The following MRNIP variants were observed in gnomAD, a reference collection of about 807,000 sequenced individuals.
MRNIP encodes MRN complex-interacting protein.
A neutral mutation model predicts 29.8 loss-of-function variants in MRNIP; 30 were observed. The ratio of observed to expected loss-of-function variants is 1.01; its 90% CI spans 0.75 to 1.36. The LOEUF is 1.36. Ranked by LOEUF, MRNIP falls within the 40% of genes most tolerant of loss-of-function variation. The pLI is 0.00. For missense variants in MRNIP, 459 were observed against 423.5 expected (o/e 1.08, Z -0.74); for synonymous variants, 201 against 164.1 (o/e 1.23, Z -1.72).
rs1758903196 is a variant in MRNIP, at chr5:179,842,033, A to G, written c.323T>C (p.Leu108Pro). The change falls in exon 5 of 7, where the codon CTG becomes CCG. Residue 108 changes from leucine to proline, a missense_variant. Leu to Pro is a moderately conservative substitution (Grantham distance 98). Transcript: ENST00000292586. ...EKSQPSESRW[L>P]KYLEKDSQEL... is the part of the protein sequence containing the mutation. ...TTGGGAGTCCTTTTCTAGATACTTC[A>G]GCCAGCGACTCTCTGAGGGCTGCGA... 6.2e-7 allele frequency: 1 copy of G among 1,614,106 alleles called. No homozygotes were observed. The highest frequency in any genetic ancestry group is 8.5e-7 in the Non-Finnish European group (1 of 1,180,012).
intron 1 of MRNIP, among the ~76,000 whole-genome samples, chr5:179,856,077 T>C (rs1759565591): frequency 6.6e-6 from 1 of 151,900 alleles, no homozygotes; most frequent in Non-Finnish European, 1.5e-5. Context: ...ACCTGTATTT[T>C]TTGTATTTTT....
At chr5:179,856,497 G>C (rs1181431690) in intron 1 of MRNIP, among the ~76,000 whole-genome samples, 2 of 151,330 alleles carry the variant, frequency 1.3e-5, no homozygotes, top group African/African-American at 4.9e-5. Context: ...TTTGAGACAG[G>C]GTCTGGCTGT....
At chr5:179,855,911 T>C (rs376748956) in intron 1 of MRNIP, among the ~76,000 whole-genome samples, 1 of 147,322 alleles carries the variant, frequency 6.8e-6, no homozygotes, top group Non-Finnish European at 1.5e-5. Flanking sequence ...AAAGTTGTTT[T>C]TTTTTTTTTT....
At position 179,848,078 on chromosome 5, in the gene MRNIP, A is replaced by G; in HGVS notation, c.127-12T>C. 1 of 1,600,742 alleles carries G rather than the reference A, an allele frequency of 6.2e-7. No homozygotes were observed. Among genetic ancestry groups the G allele is most frequent in the Non-Finnish European group, 8.6e-7 (1 of 1,167,830 alleles). The stretch of plus-strand genomic sequence containing the variant: ...CCTTCACCATAAGCCTGAGAAACCA[A>G]AAAATATATTACATTGAAAAAGTGC... On this transcript the variant is annotated splice_polypyrimidine_tract_variant and intron_variant, in intron 2 of 6. Coordinates refer to ENST00000292586, the MANE Select transcript of MRNIP (RefSeq NM_016175.4).
chr5:179,856,280 T>C (rs776123945), intron 1 of MRNIP, among the ~76,000 whole-genome samples: 22 of 152,144 alleles, frequency 1.4e-4, no homozygotes, highest in Non-Finnish European at 2.8e-4. Flanking sequence ...GCTGAGATAG[T>C]ATGGTTCTGC....
rs193103091 is a variant in MRNIP, at chr5:179,854,541, G to A, written c.67-1104C>T. The stretch of plus-strand genomic sequence containing the variant: ...GGCTTGAGCCTGTAGTCTCAGCGAC[G>A]AGGGAGGCCAAGACTACTCGAGCCC... On this transcript the variant is annotated intron_variant, in intron 1 of 6. Transcript: ENST00000292586. 3.2e-3 allele frequency among the ~76,000 whole-genome samples: 481 copies of A among 152,242 alleles called. 4 individuals carry two copies. Among genetic ancestry groups the A allele is most frequent in the Non-Finnish European group, 2.6e-3 (180 of 68,022 alleles).
chr5:179,850,352 GC>G (rs145598022), intron 2 of MRNIP, among the ~76,000 whole-genome samples: 2,769 of 152,322 alleles, frequency 0.018, 97 homozygotes, highest in African/African-American at 0.064. Context: ...TAACAGTCTG[GC>G]CTTTGAACCT....
chr5:179,844,362 G>T (rs2031486210), intron 3 of MRNIP, 135 bp from the exon 4 acceptor site: 1 of 678,104 alleles, frequency 1.5e-6, no homozygotes, highest in African/African-American at 1.8e-5. Flanking sequence ...AGACAAGTCT[G>T]ACGAACACGG....
chr5:179,852,049 G>A (rs1176616240), intron 2 of MRNIP, among the ~76,000 whole-genome samples: 1 of 151,868 alleles, frequency 6.6e-6, no homozygotes, highest in Non-Finnish European at 1.5e-5. Flanking sequence ...TGTCTACGGA[G>A]GCAGGTGGAT....
rs561116387 is a variant in MRNIP, at chr5:179,838,010, G to A, written c.538-125C>T. On this transcript the variant is annotated intron_variant, in intron 6 of 6. Transcript: ENST00000292586. Reference sequence around the variant, plus strand: ...GACACTTTCTGCTGGAAGCTGTCAGGCTGGGACAGGCTTTGATTTTGAGGG... The same window carrying A: ...GACACTTTCTGCTGGAAGCTGTCAGACTGGGACAGGCTTTGATTTTGAGGG... 3 of 860,192 alleles carry A rather than the reference G, an allele frequency of 3.5e-6. No homozygotes were observed. In the East Asian group the frequency reaches 7.8e-5, roughly 22 times the overall value. The allele number at this position is 860,192 out of a possible 1,614,324, so 53.3% of individuals were successfully genotyped here.
chr5:179,844,459 T>C (rs548392861), intron 3 of MRNIP: 65 of 451,298 alleles, frequency 1.4e-4, no homozygotes, highest in African/African-American at 1.2e-3. Flanking sequence ...TGAGCCAAGA[T>C]TGCTGGAAGA....
intron 4 of MRNIP, among the ~76,000 whole-genome samples, chr5:179,843,618 T>C (rs1423279216): frequency 6.6e-6 from 1 of 152,090 alleles, no homozygotes; most frequent in East Asian, 1.9e-4. Flanking sequence ...GGCACAGTTG[T>C]AGTCCCAGTT....
chr5:179,841,738 G>A (rs1758887331), intron 5 of MRNIP, 169 bp downstream of exon 5: 2 of 697,184 alleles, frequency 2.9e-6, no homozygotes, highest in Non-Finnish European at 4.9e-6. Flanking sequence ...CCAATGCCCA[G>A]GTGGGCTGTG....
chr5:179,843,051 A>AAGGGAGGG (rs778980252), intron 4 of MRNIP, among the ~76,000 whole-genome samples: 1 of 129,022 alleles, frequency 7.8e-6, no homozygotes, highest in Non-Finnish European at 1.7e-5. Flanking sequence ...AGAAGGAAGG[A>AAGGGAGGG]AGGAAGGAAG....
chr5:179,844,795 A>G (rs1036205137), intron 3 of MRNIP, among the ~76,000 whole-genome samples: 15 of 152,224 alleles, frequency 9.9e-5, no homozygotes, highest in Non-Finnish European at 2.1e-4. Flanking sequence ...TTAATTTTGT[A>G]TGTTGACCTT....
chr5:179,846,803 C>T (rs1337504528), intron 3 of MRNIP, among the ~76,000 whole-genome samples: 1 of 152,176 alleles, frequency 6.6e-6, no homozygotes, highest in East Asian at 1.9e-4. Context: ...TACAGGCAAG[C>T]TGCCTGTTGC....
chr5:179,840,455 CACAT>C (rs1161085510), intron 6 of MRNIP: 1 of 258,286 alleles, frequency 3.9e-6, no homozygotes, highest in African/African-American at 2.2e-5. Flanking sequence ...AAGAGTGCCT[CACAT>C]ACAAGAGTCC....
At chr5:179,857,578 C>G (rs1759647438) in intron 1 of MRNIP, among the ~76,000 whole-genome samples, 1 of 152,186 alleles carries the variant, frequency 6.6e-6, no homozygotes, top group African/African-American at 2.4e-5. Flanking sequence ...TTATTTGCAA[C>G]TCTTAGGACC....
In MRNIP at chr5:179,837,469, GA is replaced by G; in HGVS notation, c.953del (p.Val318AlafsTer17). On this transcript the variant is annotated frameshift_variant, in exon 7 of 7. Coordinates refer to ENST00000292586, the MANE Select transcript of MRNIP (RefSeq NM_016175.4). LOFTEE classifies it low-confidence loss of function (END_TRUNC). ...RTPWAEGGPL[V>X]LEAQNPRPTR... Reference sequence around the variant, plus strand: ...TGGGTCGAGGATTCTGTGCCTCCAGGACCAGGGGCCCACCCTCTGCCCAGGG... The same window carrying G: ...TGGGTCGAGGATTCTGTGCCTCCAGGCCAGGGGCCCACCCTCTGCCCAGGG... 6.2e-7 allele frequency: 1 copy of G among 1,613,460 alleles called. No individual in the cohort carries two copies. The highest frequency in any genetic ancestry group is 8.5e-7 in the Non-Finnish European group (1 of 1,179,688).
Sources: allele counts gnomAD v4.1 joint callset (sites outside exome capture counted in the v4.1 genomes callset), GRCh38; gene constraint gnomAD v4.1.1; transcripts MANE v1.5; gene names NCBI Gene and HGNC (gene_info 2026-07-23, HGNC 2026-07-21).